Variants in HERC6 observed in about 807,000 individuals in gnomAD.
HERC6 encodes the protein probable E3 ubiquitin-protein ligase HERC6.
Under a neutral mutation model 114.5 loss-of-function variants are expected in HERC6, and 101 were observed. The observed-to-expected ratio is 0.88, with a 90% CI of 0.75 to 1.04. HERC6 has a LOEUF of 1.04. Among genes scored for constraint, HERC6 ranks in the 50% least tolerant of loss-of-function variants. HERC6 has a pLI of 0.00. For missense variants in HERC6, 1,133 were observed against 1,230.9 expected, an observed-to-expected ratio of 0.92 and a Z score of 1.19; for synonymous variants, 408 against 436.2, an observed-to-expected ratio of 0.94 and a Z score of 0.81.
intron 7 of HERC6, among the ~76,000 whole-genome samples, chr4:88,397,401 C>T (rs1259051795): frequency 2.0e-5 from 3 of 152,124 alleles, no homozygotes; most frequent in Middle Eastern, 3.4e-3. Context: ...CATGAGCCAC[C>T]GCGCCTGGCT....
chr4:88,426,483 C>T (rs796173738), intron 15 of HERC6, among the ~76,000 whole-genome samples: 9 of 136,720 alleles, frequency 6.6e-5, no homozygotes, highest in African/African-American at 2.5e-4. Flanking sequence ...TTATTATTAT[C>T]ATCATCATCA....
chr4:88,431,853 C>T (rs940789658), intron 17 of HERC6, among the ~76,000 whole-genome samples: 16 of 152,218 alleles, frequency 1.1e-4, no homozygotes, highest in Admixed American at 1.0e-3. Flanking sequence ...GTTGGGATTA[C>T]AGGTGTGAGC....
In HERC6 at chr4:88,390,846, G is replaced by A. The variant is rs200315029; in HGVS notation, c.631G>A (p.Gly211Arg). 13 of 1,613,722 alleles carry A rather than the reference G, an allele frequency of 8.1e-6. No homozygotes were observed. The highest frequency in any genetic ancestry group is 2.7e-5 in the African/African-American group (2 of 74,936). ...GTTTGGCTGGGGAAGTAACAGTGCCGGGCAGCTGGCCCTCAGTGGGCGTAA... is the reference window on the plus strand; with the variant it reads ...GTTTGGCTGGGGAAGTAACAGTGCCAGGCAGCTGGCCCTCAGTGGGCGTAA... ...TSFGWGSNSA[G>R]QLALSGRNVP... The change falls in exon 4 of 23, where the codon GGG (glycine) becomes AGG (arginine). Residue 211 changes from glycine to arginine, a missense_variant. Gly to Arg is a moderately radical substitution (Grantham distance 125). Transcript: ENST00000264346.
In HERC6 at chr4:88,431,319, T is replaced by A; in HGVS notation, c.2250+14T>A. 1 of 1,418,526 alleles carries A rather than the reference T, an allele frequency of 7.0e-7. No individual in the cohort carries two copies. The highest frequency in any genetic ancestry group is 9.5e-7 in the Non-Finnish European group (1 of 1,050,066). 87.9% of individuals were successfully genotyped at this position (1,418,526 alleles called of 1,614,324 possible). A position where few individuals can be genotyped will look rare whatever the true frequency, so the allele number is the denominator to read the frequency against. ...TTTCCTGCCAAGGTAAGTCTTTTCT[T>A]TTTTTTTTTTCCCCCAGAACAGAAA... On this transcript the variant is annotated intron_variant, in intron 17 of 22. Coordinates refer to ENST00000264346, the MANE Select transcript of HERC6 (RefSeq NM_017912.4).
At chr4:88,408,663 G>A (rs780732745) in intron 11 of HERC6, 46 bp downstream of exon 11, 3 of 1,233,270 alleles carry the variant, frequency 2.4e-6, no homozygotes, top group African/African-American at 3.0e-5. Context: ...TACGATTGCA[G>A]TTTATTTTTG....
intron 11 of HERC6, among the ~76,000 whole-genome samples, chr4:88,412,803 C>G (rs1233655513): frequency 6.6e-6 from 1 of 152,104 alleles, no homozygotes; most frequent in Non-Finnish European, 1.5e-5. Flanking sequence ...GTTTTGAATC[C>G]ATAATTCACT....
At position 88,417,563 on chromosome 4, in the gene HERC6, T is replaced by A. The variant is rs1736607292; in HGVS notation, c.1697T>A (p.Met566Lys). 6.2e-7 allele frequency: 1 copy of A among 1,612,862 alleles called. No individual in the cohort carries two copies. The highest frequency in any genetic ancestry group is 8.5e-7 in the Non-Finnish European group (1 of 1,179,376). Residue 566 changes from methionine (M) to lysine (K), a missense_variant, in exon 13 of 23, where the codon ATG becomes AAG. Coordinates refer to ENST00000264346, the MANE Select transcript of HERC6 (RefSeq NM_017912.4). Reference protein sequence around the residue: ...HCNVKALLGMMKELHKVNKAN... With the variant: ...HCNVKALLGMKKELHKVNKAN... ...AATGTTAAAGCTCTTTTAGGAATGA[T>A]GAAAGAACTGCATAAGGTAAGGGTT...
In HERC6 at chr4:88,379,044, C is replaced by A. The variant is rs1170000513; in HGVS notation, c.123C>A (p.Asn41Lys). Residue 41 changes from asparagine to lysine, a missense_variant, in exon 1 of 23, where the codon AAC (asparagine) becomes AAA (lysine). This residue lies in a region of HERC6 where 735 missense variants were observed against 754.0 expected (regional missense o/e 0.97). Coordinates refer to ENST00000264346, the MANE Select transcript of HERC6 (RefSeq NM_017912.4). ...GCCACTCTCTGCTGCTGCTGACCAA[C>A]CACAGGGTCCTCTCGTGCGGAGACA... ...GERHSLLLLT[N>K]HRVLSCGDNS... The A allele has an allele frequency of 1.3e-6, 2 of 1,562,008 alleles. No individual in the cohort carries two copies. Among genetic ancestry groups the A allele is most frequent in the Non-Finnish European group, 1.7e-6 (2 of 1,154,856 alleles).
chr4:88,411,736 A>C (rs1736115764), intron 11 of HERC6, among the ~76,000 whole-genome samples: 1 of 152,214 alleles, frequency 6.6e-6, no homozygotes, highest in African/African-American at 2.4e-5. Context: ...ACCTTTGCAC[A>C]GGTTCATTCA....
intron 8 of HERC6, among the ~76,000 whole-genome samples, chr4:88,403,465 C>T (rs1735649093): frequency 6.6e-6 from 1 of 152,126 alleles, no homozygotes; most frequent in Admixed American, 6.5e-5. Flanking sequence ...ATCTTAAGAA[C>T]CCAGATAGGC....
intron 3 of HERC6, among the ~76,000 whole-genome samples, chr4:88,386,341 G>A (rs187836925): frequency 6.6e-6 from 1 of 151,878 alleles, no homozygotes; most frequent in Non-Finnish European, 1.5e-5. Flanking sequence ...AAGTAGCTGG[G>A]ATCACAGGTG....
intron 12 of HERC6, among the ~76,000 whole-genome samples, chr4:88,415,472 G>A (rs1736393779): frequency 1.3e-5 from 2 of 152,174 alleles, no homozygotes; most frequent in Non-Finnish European, 2.9e-5. Flanking sequence ...TGAAGTGGTT[G>A]TCATTCACAC....
intron 11 of HERC6, among the ~76,000 whole-genome samples, chr4:88,411,777 T>A (rs151272812): frequency 1.9e-4 from 29 of 152,330 alleles, no homozygotes; most frequent in Middle Eastern, 3.4e-3. Context: ...CCAGCATCTC[T>A]AGGCCCTGGG....
intron 8 of HERC6, chr4:88,399,232 C>T (rs1196702914): frequency 1.3e-5 from 2 of 152,152 alleles, no homozygotes; most frequent in Admixed American, 6.6e-5. Flanking sequence ...TAGTCCCTGG[C>T]ACAGAATGTG....
intron 16 of HERC6, 61 bp from the exon 17 acceptor site, chr4:88,431,101 C>T: frequency 2.7e-6 from 4 of 1,473,074 alleles, no homozygotes; most frequent in South Asian, 2.5e-5. Context: ...TTTAAAACTT[C>T]CATAAAGCTC....
At chr4:88,392,000 C>T (rs1295449517) in intron 4 of HERC6, among the ~76,000 whole-genome samples, 1 of 54,370 alleles carries the variant, frequency 1.8e-5, no homozygotes, top group Non-Finnish European at 3.5e-5. Flanking sequence ...CTCCCCTTCT[C>T]CCTCCCCTCC....
chr4:88,390,198 A>AG (rs1553913506), intron 3 of HERC6, among the ~76,000 whole-genome samples: 110 of 144,676 alleles, frequency 7.6e-4, no homozygotes, highest in African/African-American at 2.0e-3. Context: ...AAAAAAAAAA[A>AG]AAAGAAAGTC....
At chr4:88,387,393 T>C (rs957858448) in intron 3 of HERC6, among the ~76,000 whole-genome samples, 11 of 152,176 alleles carry the variant, frequency 7.2e-5, no homozygotes, top group Non-Finnish European at 1.2e-4. Context: ...TAAGACTGTT[T>C]CTGAAAAAGA....
chr4:88,407,488 A>T (rs1735870219), intron 10 of HERC6, among the ~76,000 whole-genome samples: 1 of 148,542 alleles, frequency 6.7e-6, no homozygotes. Flanking sequence ...GTAGCCTTGA[A>T]CTCCTGGCTT....
Sources: allele counts gnomAD v4.1 joint callset (sites outside exome capture counted in the v4.1 genomes callset), GRCh38; gene constraint gnomAD v4.1.1; regional missense constraint gnomAD v4.1.1; transcripts MANE v1.5; gene names NCBI Gene and HGNC (gene_info 2026-07-23, HGNC 2026-07-21).